FAT3: variants seen among roughly 807,000 people sequenced by gnomAD.
FAT3 encodes the protein FAT atypical cadherin 3.
A neutral mutation model predicts 310.2 loss-of-function variants in FAT3; 95 were observed. The ratio of observed to expected loss-of-function variants is 0.31; its 90% CI spans 0.26 to 0.36. The LOEUF is 0.36. Ranked by LOEUF, FAT3 falls within the 10% of genes least tolerant of loss-of-function variation. FAT3 has a pLI of 1.00. For missense variants in FAT3, 5,408 were observed against 5,715.6 expected (o/e 0.95, Z 1.74); for synonymous variants, 2,314 against 2,192.9 (o/e 1.06, Z -1.54).
At chr11:92,580,920 G>A (rs1938759458) in intron 3 of FAT3, among the ~76,000 whole-genome samples, 1 of 151,558 alleles carries the variant, frequency 6.6e-6, no homozygotes, top group African/African-American at 2.4e-5. Context: ...AGCAGCCCAG[G>A]AAATTTTTCC....
intron 22 of FAT3, among the ~76,000 whole-genome samples, chr11:92,878,133 T>C (rs561438105): frequency 1.1e-4 from 16 of 152,220 alleles, no homozygotes; most frequent in African/African-American, 2.9e-4. Flanking sequence ...GGTTGAAAAT[T>C]CATGTAAGAG....
intron 2 of FAT3, among the ~76,000 whole-genome samples, chr11:92,457,105 G>C (rs889292468): frequency 6.6e-6 from 1 of 152,234 alleles, no homozygotes; most frequent in African/African-American, 2.4e-5. Flanking sequence ...AGGGCCTGTA[G>C]GTCCTGTGGA....
intron 4 of FAT3, among the ~76,000 whole-genome samples, chr11:92,711,322 T>C (rs568411232): frequency 8.5e-5 from 13 of 152,308 alleles, no homozygotes; most frequent in African/African-American, 3.1e-4. Flanking sequence ...TTCCATTGCA[T>C]GGGATCTCAT....
intron 2 of FAT3, among the ~76,000 whole-genome samples, chr11:92,456,756 A>G (rs985211688): frequency 2.6e-5 from 4 of 152,148 alleles, no homozygotes; most frequent in African/African-American, 9.6e-5. Context: ...TTTATCAGCC[A>G]TTTATTAATG....
chr11:92,558,402 A>ATGTGTGTGTGTGTGTGTGTG (rs58362077), intron 3 of FAT3, among the ~76,000 whole-genome samples: 9 of 150,138 alleles, frequency 6.0e-5, no homozygotes, highest in Non-Finnish European at 1.3e-4. Context: ...TGTTGTGTTT[A>ATGTGTGTGTGTGTGTGTGTG]TGTGTGTGTG....
intron 3 of FAT3, among the ~76,000 whole-genome samples, chr11:92,554,946 A>G (rs1270445977): frequency 1.3e-5 from 2 of 152,230 alleles, no homozygotes; most frequent in African/African-American, 4.8e-5. Flanking sequence ...TTAAAGCGCC[A>G]GCAGCATCAT....
At chr11:92,356,590 G>A (rs1948736762) in intron 2 of FAT3, among the ~76,000 whole-genome samples, 1 of 152,140 alleles carries the variant, frequency 6.6e-6, no homozygotes, top group Non-Finnish European at 1.5e-5. Context: ...AAGAGAGCAG[G>A]CTTTGGTGCT....
At chr11:92,773,607 G>A (rs1946759704) in intron 6 of FAT3, among the ~76,000 whole-genome samples, 1 of 151,960 alleles carries the variant, frequency 6.6e-6, no homozygotes, top group South Asian at 2.1e-4. Flanking sequence ...ATCAATCCTG[G>A]AATAGATTTT....
chr11:92,283,478 A>G (rs576082675), intron 1 of FAT3, among the ~76,000 whole-genome samples: 30 of 152,266 alleles, frequency 2.0e-4, no homozygotes, highest in Non-Finnish European at 4.0e-4. Context: ...TTCTCTGCTC[A>G]TTAGTTTTCA....
chr11:92,664,058 G>C (rs1261403299), intron 3 of FAT3, among the ~76,000 whole-genome samples: 4 of 152,060 alleles, frequency 2.6e-5, no homozygotes, highest in Non-Finnish European at 1.5e-5. Context: ...GAGTGGTCTT[G>C]TGTTTTCCAG....
At chr11:92,816,984 TCAAAA>T (rs1947841466) in intron 13 of FAT3, among the ~76,000 whole-genome samples, 1 of 149,724 alleles carries the variant, frequency 6.7e-6, no homozygotes, top group South Asian at 2.1e-4. Flanking sequence ...TCAAAAAAAA[TCAAAA>T]CAAAAATAAA....
In FAT3 at chr11:92,433,135, G is replaced by A. The variant is rs182207968; in HGVS notation, c.3292+77731G>A. ...GACTTCAAACTGCTGTGCTGACAGCGAGAATTTCAAGGCAGTGGATCTTAG... is the reference window on the plus strand; with the variant it reads ...GACTTCAAACTGCTGTGCTGACAGCAAGAATTTCAAGGCAGTGGATCTTAG... On this transcript the variant is annotated intron_variant, in intron 2 of 27. Transcript: ENST00000525166. Among the ~76,000 whole-genome samples, 366 of 152,300 alleles carry A rather than the reference G, an allele frequency of 2.4e-3. 2 individuals carry two copies. The highest frequency in any genetic ancestry group is 4.5e-3 in the Non-Finnish European group (304 of 68,028).
At chr11:92,677,708 C>T (rs1048723697) in intron 3 of FAT3, among the ~76,000 whole-genome samples, 1 of 152,158 alleles carries the variant, frequency 6.6e-6, no homozygotes, top group Admixed American at 6.5e-5. Flanking sequence ...AGCCTCAAGA[C>T]CTTTTGTAAT....
chr11:92,728,480 T>C (rs760391880), intron 4 of FAT3, among the ~76,000 whole-genome samples: 23 of 152,214 alleles, frequency 1.5e-4, no homozygotes, highest in Non-Finnish European at 5.9e-5. Context: ...ACTGGACTGC[T>C]GGAATAAAAG....
At chr11:92,533,940 TA>T (rs549614362) in intron 3 of FAT3, among the ~76,000 whole-genome samples, 5 of 151,932 alleles carry the variant, frequency 3.3e-5, no homozygotes, top group African/African-American at 4.8e-5. Flanking sequence ...ATTTATGTGT[TA>T]AAAAAAAGAG....
chr11:92,524,930 G>T lies in FAT3; in HGVS notation c.3589G>T (p.Ala1197Ser). The change falls in exon 3 of 28, where the codon GCC becomes TCC. Residue 1197 changes from alanine (A) to serine (S), a missense_variant. Ala to Ser is a moderately conservative substitution (Grantham distance 99, BLOSUM62 1). Coordinates refer to ENST00000525166, the MANE Select transcript of FAT3 (RefSeq NM_001367949.2). ...AAGTGGAAATCCTCAGAATTTTTTT[G>T]CCATCAATATCAAAACAGGTAAGGG... ...ITSGNPQNFF[A>S]INIKTGLITT... 3.7e-6 allele frequency: 6 copies of T among 1,613,382 alleles called. No homozygotes were observed. Among genetic ancestry groups the T allele is most frequent in the Non-Finnish European group, 5.1e-6 (6 of 1,179,640 alleles).
intron 3 of FAT3, among the ~76,000 whole-genome samples, chr11:92,534,099 T>C (rs543598570): frequency 2.6e-5 from 4 of 152,302 alleles, no homozygotes; most frequent in African/African-American, 7.2e-5. Context: ...CCTCTCTCCA[T>C]TCTTGGATGC....
Position 92,355,255 on chromosome 11 carries a change from T to C in FAT3, c.3143T>C (p.Val1048Ala). The change falls in exon 2 of 28, where the codon GTT becomes GCT. Residue 1048 changes from valine to alanine, a missense_variant. Physicochemically the swap from Val to Ala is moderately conservative, Grantham distance 64. Around this residue, in one of 5 missense-constraint regions of FAT3, gnomAD observed 4,588 missense variants for 4,809.8 expected, o/e 0.95. Transcript: ENST00000525166. ...LHTPYFPDFA[V>A]VGSVKENSRI... Reference sequence around the variant, plus strand: ...ACTCCCTATTTCCCAGACTTTGCTGTTGTTGGATCTGTAAAGGAAAACTCA... The same window carrying C: ...ACTCCCTATTTCCCAGACTTTGCTGCTGTTGGATCTGTAAAGGAAAACTCA... 4 of 1,613,808 alleles carry C rather than the reference T, an allele frequency of 2.5e-6. No homozygotes were observed. The highest frequency in any genetic ancestry group is 3.4e-6 in the Non-Finnish European group (4 of 1,179,854).
intron 4 of FAT3, among the ~76,000 whole-genome samples, chr11:92,727,388 A>G (rs575680223): frequency 5.9e-5 from 9 of 152,298 alleles, no homozygotes; most frequent in African/African-American, 1.9e-4. Context: ...GTCAGGGAAG[A>G]CAGACATTAA....
Sources: gnomAD v4.1 joint callset for allele counts (sites outside exome capture counted in the v4.1 genomes callset) on GRCh38, gnomAD v4.1.1 for gene constraint, gnomAD v4.1.1 regional missense constraint, MANE v1.5 for transcripts, NCBI Gene and HGNC (gene_info 2026-07-23, HGNC 2026-07-21) for gene names.